NPSR1: variants seen among roughly 807,000 people sequenced by gnomAD.
The protein encoded by NPSR1 is neuropeptide S receptor.
Under a neutral mutation model 46.9 loss-of-function variants are expected in NPSR1, and 48 were observed. That is an observed-to-expected ratio of 1.02 (90% CI 0.81 to 1.30). NPSR1 has a LOEUF of 1.30. Among genes scored for constraint, NPSR1 ranks in the 50% most tolerant of loss-of-function variants. NPSR1 has a pLI of 0.00. For missense variants in NPSR1, 450 were observed against 449.5 expected (o/e 1.00, Z -0.01); for synonymous variants, 176 against 168.1 (o/e 1.05, Z -0.36).
rs1283619460 is a variant in NPSR1, at chr7:34,834,414, T to C, written c.711T>C (p.Ile237=). The C allele has an allele frequency of 6.2e-7, 1 of 1,613,654 alleles. No homozygotes were observed. The highest frequency in any genetic ancestry group is 1.3e-5 in the African/African-American group (1 of 74,920). The change falls in exon 6 of 9, where the codon ATT becomes ATC. Residue 237 remains isoleucine (I), a synonymous_variant. Transcript: ENST00000360581. ...SIMYGIVIRT[I]WIKSKTYETV... ...TGTATGGCATTGTGATCCGAACTAT[T>C]TGGATTAAAAGCAAAACCTACGAAA...
intron 1 of NPSR1, among the ~76,000 whole-genome samples, chr7:34,666,428 A>C (rs1324559478): frequency 6.6e-6 from 1 of 152,154 alleles, no homozygotes; most frequent in African/African-American, 2.4e-5. Flanking sequence ...AGTCTCTGAG[A>C]TTTCTAATAA....
intron 4 of NPSR1, among the ~76,000 whole-genome samples, chr7:34,827,062 G>A (rs180726212): frequency 4.0e-4 from 61 of 152,256 alleles, no homozygotes; most frequent in African/African-American, 1.3e-3. Context: ...CATTTGCACC[G>A]CAACTTACCA....
intron 3 of NPSR1, among the ~76,000 whole-genome samples, chr7:34,807,035 G>A (rs1584065473): frequency 6.6e-6 from 1 of 152,040 alleles, no homozygotes; most frequent in African/African-American, 2.4e-5. Context: ...TCTCCAAATG[G>A]TATCCCATAT....
intron 3 of NPSR1, among the ~76,000 whole-genome samples, chr7:34,796,016 T>C (rs1598947): frequency 0.15 from 22,157 of 152,088 alleles, 2,132 homozygotes; most frequent in East Asian, 0.32. Context: ...TATAAAGCTA[T>C]AGTAATTAAG....
intron 3 of NPSR1, among the ~76,000 whole-genome samples, chr7:34,797,104 A>G (rs1157819779): frequency 6.6e-6 from 1 of 152,208 alleles, no homozygotes; most frequent in Non-Finnish European, 1.5e-5. Flanking sequence ...GAAGCTACAT[A>G]CTGTAGATTC....
At chr7:34,733,860 C>A (rs569411852) in intron 2 of NPSR1, among the ~76,000 whole-genome samples, 1 of 152,254 alleles carries the variant, frequency 6.6e-6, no homozygotes, top group Admixed American at 6.5e-5. Flanking sequence ...TGAGATATTT[C>A]TCTTACGAAT....
intron 2 of NPSR1, chr7:34,761,297 T>C (rs917071037): frequency 5.3e-5 from 8 of 152,190 alleles, no homozygotes; most frequent in South Asian, 4.1e-4. Flanking sequence ...GATTTCCATG[T>C]TGGGTATAAA....
intron 3 of NPSR1, among the ~76,000 whole-genome samples, chr7:34,785,552 T>C (rs987989420): frequency 2.2e-4 from 34 of 151,820 alleles, no homozygotes; most frequent in African/African-American, 7.7e-4. Flanking sequence ...AGAAAATATA[T>C]AAAAGTATAT....
chr7:34,665,204 C>T (rs1791675884), intron 1 of NPSR1, among the ~76,000 whole-genome samples: 1 of 152,182 alleles, frequency 6.6e-6, no homozygotes, highest in Admixed American at 6.5e-5. Flanking sequence ...AACCCTAAAT[C>T]TCCGTGATTT....
intron 2 of NPSR1, among the ~76,000 whole-genome samples, chr7:34,776,021 T>C (rs1583994526): frequency 6.6e-6 from 1 of 152,170 alleles, no homozygotes; most frequent in East Asian, 1.9e-4. Flanking sequence ...TTGATTTCCA[T>C]GTATTTGTAT....
chr7:34,717,478 T>A (rs1783637821), intron 2 of NPSR1, among the ~76,000 whole-genome samples: 1 of 152,160 alleles, frequency 6.6e-6, no homozygotes, highest in Non-Finnish European at 1.5e-5. Flanking sequence ...AATTAATTTA[T>A]CAGGCTCCTT....
intron 3 of NPSR1, among the ~76,000 whole-genome samples, chr7:34,803,246 T>C (rs576782320): frequency 6.8e-4 from 103 of 152,086 alleles, no homozygotes; most frequent in African/African-American, 2.3e-3. Context: ...TAAATCATGC[T>C]GCTATAAAGA....
intron 2 of NPSR1, among the ~76,000 whole-genome samples, chr7:34,692,146 CAAAAT>C (rs1793296914): frequency 6.6e-6 from 1 of 151,422 alleles, no homozygotes; most frequent in South Asian, 2.1e-4. Flanking sequence ...CAAAACGAAA[CAAAAT>C]AAAAAGAAAG....
chr7:34,819,250 G>T (rs1049432993), intron 4 of NPSR1, among the ~76,000 whole-genome samples: 1 of 152,146 alleles, frequency 6.6e-6, no homozygotes, highest in African/African-American at 2.4e-5. Flanking sequence ...CAAAAAGTGG[G>T]CAAAGGATAT....
At chr7:34,754,260 C>G (rs1337118222) in intron 2 of NPSR1, among the ~76,000 whole-genome samples, 1 of 152,142 alleles carries the variant, frequency 6.6e-6, no homozygotes, top group African/African-American at 2.4e-5. Flanking sequence ...CACAAGAACA[C>G]ATGTTCTTGT....
Position 34,848,578 on chromosome 7 carries a change from A to G in NPSR1, c.940A>G (p.Ile314Val). The G allele has an allele frequency of 4.3e-6, 7 of 1,614,126 alleles. No individual in the cohort carries two copies. The highest frequency in any genetic ancestry group is 5.1e-6 in the Non-Finnish European group (6 of 1,180,000). ...DTQERFYASVIIQNLPALNSA... is the reference protein window; with the variant it reads ...DTQERFYASVVIQNLPALNSA... The stretch of plus-strand genomic sequence containing the variant: ...CCAGGAGCGTTTCTATGCCTCTGTG[A>G]TCATTCAGAACCTGCCAGCATTGAA... The change falls in exon 8 of 9, where the codon ATC (isoleucine) becomes GTC (valine). Residue 314 changes from isoleucine (I) to valine (V), a missense_variant. Coordinates refer to ENST00000360581, the MANE Select transcript of NPSR1 (RefSeq NM_207172.2).
intron 1 of NPSR1, among the ~76,000 whole-genome samples, chr7:34,661,271 C>T (rs1392122573): frequency 6.6e-6 from 1 of 152,098 alleles, no homozygotes; most frequent in East Asian, 1.9e-4. Context: ...TGTCCCTATT[C>T]CATTTCTAAG....
At position 34,811,885 on chromosome 7, in the gene NPSR1, C is replaced by A. The variant is rs186939149; in HGVS notation, c.478+22C>A. On this transcript the variant is annotated intron_variant, in intron 4 of 8. Transcript: ENST00000360581. ...GGAGGTGAGCTGGCTTTACCAGGTGCTCTTTCATAAAGAACTGTCCTTGAG... is the reference window on the plus strand; with the variant it reads ...GGAGGTGAGCTGGCTTTACCAGGTGATCTTTCATAAAGAACTGTCCTTGAG... 1,635 of 1,538,164 alleles carry A rather than the reference C, an allele frequency of 1.1e-3. 2 individuals are homozygous for A. Among genetic ancestry groups the A allele is most frequent in the Non-Finnish European group, 1.3e-3 (1,409 of 1,112,066 alleles).
intron 2 of NPSR1, among the ~76,000 whole-genome samples, chr7:34,725,382 A>G (rs1784092321): frequency 1.3e-5 from 2 of 152,216 alleles, no homozygotes; most frequent in African/African-American, 4.8e-5. Context: ...CCGGGATAAG[A>G]TCACGCTATC....
Sources: allele counts gnomAD v4.1 joint callset (sites outside exome capture counted in the v4.1 genomes callset), GRCh38; gene constraint gnomAD v4.1.1; transcripts MANE v1.5; gene names NCBI Gene and HGNC (gene_info 2026-07-23, HGNC 2026-07-21).